EIF4A2: variants seen among roughly 807,000 people sequenced by gnomAD.
The protein encoded by EIF4A2 is eukaryotic initiation factor 4A-II.
EIF4A2 carries 9 observed loss-of-function variants against 50.6 expected under a neutral mutation model. That is an observed-to-expected ratio of 0.18 (90% CI 0.11 to 0.31). The LOEUF (loss-of-function observed/expected upper bound fraction) is 0.31. Ranked by LOEUF, EIF4A2 falls within the 10% of genes least tolerant of loss-of-function variation. The pLI is 1.00. For missense variants in EIF4A2, 182 were observed against 501.8 expected, an observed-to-expected ratio of 0.36 and a Z score of 6.09; for synonymous variants, 215 against 164.4, an observed-to-expected ratio of 1.31 and a Z score of -2.35.
intron 10 of EIF4A2, chr3:186,788,268 C>T (rs1198529354): frequency 2.3e-6 from 3 of 1,283,184 alleles, no homozygotes; most frequent in South Asian, 1.2e-5. Context: ...TTGAATTGTA[C>T]TTTGTTATAT....
intron 7 of EIF4A2, 95 bp downstream of exon 7, chr3:186,786,740 A>T: frequency 6.6e-7 from 1 of 1,523,670 alleles, no homozygotes; most frequent in Non-Finnish European, 9.1e-7. Flanking sequence ...TTTTGCAATA[A>T]TGCTAGCAGA....
chr3:186,784,605 T>G lies in EIF4A2; in HGVS notation c.117T>G (p.Asn39Lys). The G allele has an allele frequency of 6.2e-7, 1 of 1,614,250 alleles. No homozygotes were observed. The highest frequency in any genetic ancestry group is 8.5e-7 in the Non-Finnish European group (1 of 1,180,038). ...TTGTTGATAACTTTGATGATATGAA[T>G]TTAAAGGAGTCTCTCCTTCGTGGCA... is the stretch of plus-strand genomic sequence containing the variant. ...NEIVDNFDDMNLKESLLRGIY... is the reference protein window; with the variant it reads ...NEIVDNFDDMKLKESLLRGIY... Residue 39 changes from asparagine (N) to lysine (K), a missense_variant, in exon 3 of 11, where the codon AAT (asparagine) becomes AAG (lysine). Asn to Lys is a moderately conservative substitution (Grantham distance 94). Around this residue, in one of 7 missense-constraint regions of EIF4A2, gnomAD observed 113 missense variants for 357.3 expected, o/e 0.32. Coordinates refer to ENST00000323963, the MANE Select transcript of EIF4A2 (RefSeq NM_001967.4).
intron 10 of EIF4A2, 79 bp downstream of exon 10, chr3:186,787,961 A>T: frequency 7.0e-7 from 1 of 1,424,752 alleles, no homozygotes; most frequent in South Asian, 1.2e-5. Flanking sequence ...GGTAACATCA[A>T]ATCAAGGAAT....
At chr3:186,786,968 C>CT (rs112227828) in intron 7 of EIF4A2, 159 bp from the exon 8 acceptor site, 12,811 of 1,154,336 alleles carry the variant, frequency 0.011, 264 homozygotes, top group East Asian at 0.081. Context: ...GTTTCACTTT[C>CT]TTGAAACCCT....
chr3:186,786,771 A>G (rs766352944), intron 7 of EIF4A2, 126 bp downstream of exon 7: 1 of 1,300,154 alleles, frequency 7.7e-7, no homozygotes, highest in South Asian at 1.2e-5. Context: ...GAAGAAAAGT[A>G]ACAGCACTAG....
chr3:186,786,289 C>T lies in EIF4A2; in HGVS notation c.627+16C>T, dbSNP rs770152296. 6.2e-7 allele frequency: 1 copy of T among 1,602,574 alleles called. No homozygotes were observed. Among genetic ancestry groups the T allele is most frequent in the South Asian group, 1.1e-5 (1 of 89,886 alleles). The stretch of plus-strand genomic sequence containing the variant: ...AAGTATTCAGGTAAGCATTACTTCA[C>T]CCCCCTCTTAAAGGTAGAGATGGGG... On this transcript the variant is annotated intron_variant, in intron 6 of 10. Transcript: ENST00000323963.
intron 3 of EIF4A2, 114 bp downstream of exon 3, chr3:186,784,810 C>A: frequency 6.3e-7 from 1 of 1,598,712 alleles, no homozygotes; most frequent in South Asian, 1.1e-5. Flanking sequence ...GAAATGATGG[C>A]AATCATCTTT....
intron 7 of EIF4A2, 135 bp from the exon 8 acceptor site, chr3:186,786,992 C>A: frequency 7.6e-7 from 1 of 1,323,550 alleles, no homozygotes; most frequent in Non-Finnish European, 1.1e-6. Context: ...CTGGTTGGAA[C>A]TCTGGGCTCT....
chr3:186,787,334 G>T (rs1487725503), intron 8 of EIF4A2, 70 bp downstream of exon 8: 3 of 1,613,354 alleles, frequency 1.9e-6, no homozygotes, highest in Non-Finnish European at 2.5e-6. Flanking sequence ...GCTGCTAAGT[G>T]CTGTGTTGTC....
intron 4 of EIF4A2, 124 bp downstream of exon 4, chr3:186,785,225 G>A (rs1721620314): frequency 5.0e-6 from 7 of 1,405,434 alleles, no homozygotes; most frequent in Non-Finnish European, 6.7e-6. Context: ...AATTGTCCAT[G>A]CATGCAGGGA....
In EIF4A2 at chr3:186,784,995, C is replaced by G. The variant is rs773335544; in HGVS notation, c.242C>G (p.Thr81Ser). Residue 81 changes from threonine to serine, a missense_variant, in exon 4 of 11, where the codon ACT becomes AGT. Physicochemically the swap from Thr to Ser is moderately conservative, Grantham distance 58. Transcript: ENST00000323963. ...YDVIAQAQSG[T>S]GKTATFAISI... ...GTGATTGCTCAAGCTCAGTCAGGTA[C>G]TGGCAAGACAGCCACATTTGCTATT... The G allele has an allele frequency of 6.2e-7, 1 of 1,614,126 alleles. No individual in the cohort carries two copies. Among genetic ancestry groups the G allele is most frequent in the East Asian group, 2.2e-5 (1 of 44,880 alleles).
chr3:186,789,287 T>G lies in EIF4A2; in HGVS notation c.*18T>G. The G allele has an allele frequency of 1.3e-6, 2 of 1,599,424 alleles. No individual in the cohort carries two copies. Among genetic ancestry groups the G allele is most frequent in the South Asian group, 1.1e-5 (1 of 89,504 alleles). ...TTATTTAATTCCTGGGATGAGAGTT[T>G]TGGATGCAGTGCTCGCTGTTGCTGA... On this transcript the variant is annotated 3_prime_UTR_variant, in exon 11 of 11. Coordinates refer to ENST00000323963, the MANE Select transcript of EIF4A2 (RefSeq NM_001967.4).
At chr3:186,786,684 T>C (rs1196100585) in intron 7 of EIF4A2, 39 bp downstream of exon 7, 3 of 1,611,794 alleles carry the variant, frequency 1.9e-6, no homozygotes, top group Non-Finnish European at 2.5e-6. Flanking sequence ...TACCTTCTTG[T>C]ATAAGCACTG....
chr3:186,788,209 A>G, intron 10 of EIF4A2: 3 of 1,035,536 alleles, frequency 2.9e-6, no homozygotes, highest in Non-Finnish European at 3.9e-6. Context: ...GCCTGGTAGC[A>G]ATTTGAGTGA....
Position 186,786,484 on chromosome 3 carries a change from T to C in EIF4A2, c.628-18T>C, listed in dbSNP as rs774782539. ...TTAATGTGTAAGTTGTGCTACAACATAATTTTCTCTTTTTAAGGTTGTGTT... is the reference window on the plus strand; with the variant it reads ...TTAATGTGTAAGTTGTGCTACAACACAATTTTCTCTTTTTAAGGTTGTGTT... On this transcript the variant is annotated intron_variant, in intron 6 of 10. Transcript: ENST00000323963. 8.1e-6 allele frequency: 13 copies of C among 1,609,924 alleles called. No individual in the cohort carries two copies. The South Asian group carries it at 1.4e-4, about 18-fold the overall frequency.
chr3:186,788,098 A>G, intron 10 of EIF4A2: 1 of 700,240 alleles, frequency 1.4e-6, no homozygotes, highest in Admixed American at 3.0e-5. Flanking sequence ...GTTTTTTTCC[A>G]CAATTGTTGG....
chr3:186,786,932 CAATTTTGG>C, intron 7 of EIF4A2, 187 bp from the exon 8 acceptor site: 2 of 934,276 alleles, frequency 2.1e-6, no homozygotes, highest in South Asian at 3.0e-5. Context: ...TAAGACTGGC[CAATTTTGG>C]TATTTTGGGT....
chr3:186,784,889 A>C, intron 3 of EIF4A2, 73 bp from the exon 4 acceptor site: 1 of 1,612,564 alleles, frequency 6.2e-7, no homozygotes, highest in Non-Finnish European at 8.5e-7. Context: ...AATGTTCCAA[A>C]TGGAATACAT....
intron 10 of EIF4A2, chr3:186,788,473 C>T (rs991264464): frequency 3.1e-5 from 37 of 1,206,256 alleles, no homozygotes; most frequent in Non-Finnish European, 3.7e-5. Flanking sequence ...TAAGTTGCTC[C>T]AGCTAAGGCA....
Sources: allele counts gnomAD v4.1 joint callset, GRCh38; gene constraint gnomAD v4.1.1; regional missense constraint gnomAD v4.1.1; transcripts MANE v1.5; gene names NCBI Gene and HGNC (gene_info 2026-07-23, HGNC 2026-07-21).